RUSC1: variants seen among roughly 807,000 people sequenced by gnomAD.
RUSC1 encodes RUN and SH3 domain containing 1.
A neutral mutation model predicts 72.1 loss-of-function variants in RUSC1; 40 were observed. That is an observed-to-expected ratio of 0.55 (90% CI 0.43 to 0.72). RUSC1 has a LOEUF of 0.72. RUSC1 is among the 30% of genes least tolerant of loss of function. The probability of loss-of-function intolerance (pLI) is 0.00; values close to 1 mark genes in which losing one functional copy is unlikely to be tolerated. For synonymous variants in RUSC1, 512 were observed against 494.2 expected, an observed-to-expected ratio of 1.04 and a Z score of -0.48; for missense variants, 1,092 against 1,172.3, an observed-to-expected ratio of 0.93 and a Z score of 1.00.
intron 9 of RUSC1, among the ~76,000 whole-genome samples, chr1:155,329,721 G>A (rs1402254527): frequency 2.6e-5 from 4 of 151,778 alleles, no homozygotes; most frequent in Non-Finnish European, 4.4e-5. Context: ...TTTGGCGGCC[G>A]GGCGTGGTGG....
At position 155,325,134 on chromosome 1, in the gene RUSC1, A is replaced by G; in HGVS notation, c.1489A>G (p.Lys497Glu). ...LLIAVSVSVD[K>E]IISHFGAARN... Reference sequence around the variant, plus strand: ...GATAGCCGTCAGCGTCTCCGTTGATAAAATCATCTCGCATTTCGGGGCCGC... The same window carrying G: ...GATAGCCGTCAGCGTCTCCGTTGATGAAATCATCTCGCATTTCGGGGCCGC... Residue 497 changes from lysine (K) to glutamate (E), a missense_variant, in exon 4 of 10, where the codon AAA (lysine) becomes GAA (glutamate). Physicochemically the swap from Lys to Glu is moderately conservative, Grantham distance 56. Coordinates refer to ENST00000368352, the MANE Select transcript of RUSC1 (RefSeq NM_001105203.2). This position sits in a 1 kb window ranked among gnomAD's most constrained non-coding sequence, Gnocchi z 6.5. 1 of 1,614,222 alleles carries G rather than the reference A, an allele frequency of 6.2e-7. No homozygotes were observed. The highest frequency in any genetic ancestry group is 8.5e-7 in the Non-Finnish European group (1 of 1,180,030).
Position 155,325,857 on chromosome 1 carries a change from C to T in RUSC1, c.1815-7C>T, listed in dbSNP as rs373723195. 27 of 1,613,978 alleles carry T rather than the reference C, an allele frequency of 1.7e-5. No homozygotes were observed. Among genetic ancestry groups the T allele is most frequent in the Non-Finnish European group, 2.0e-5 (24 of 1,180,004 alleles). On this transcript the variant is annotated splice_polypyrimidine_tract_variant and splice_region_variant and intron_variant, in intron 6 of 9. Coordinates refer to ENST00000368352, the MANE Select transcript of RUSC1 (RefSeq NM_001105203.2). The surrounding 1 kb of genome is among the most constrained non-coding windows in gnomAD (Gnocchi z 6.5). ...CCTGAACTTCCATTCCCTCTTTTCTCCCCTAGCACCAAGCAGTTGGAGCTG... is the reference window on the plus strand; with the variant it reads ...CCTGAACTTCCATTCCCTCTTTTCTTCCCTAGCACCAAGCAGTTGGAGCTG...
chr1:155,330,552 A>G lies in RUSC1; in HGVS notation c.2690A>G (p.Tyr897Cys), dbSNP rs138641154. ...DGMEGLVPVG[Y>C]TSLVL ...ATGGAGGGTCTGGTGCCTGTGGGGT[A>G]TACCTCCCTTGTTCTGTAGCCCTGG... The change falls in exon 10 of 10, where the codon TAT (tyrosine) becomes TGT (cysteine). Residue 897 changes from tyrosine (Y) to cysteine (C), a missense_variant. Transcript: ENST00000368352. The G allele has an allele frequency of 2.7e-5, 43 of 1,607,208 alleles. No homozygotes were observed. The highest frequency in any genetic ancestry group is 3.5e-5 in the Non-Finnish European group (41 of 1,176,486).
chr1:155,321,009 C>A lies in RUSC1; in HGVS notation c.-87+18C>A. 6.6e-7 allele frequency: 1 copy of A among 1,505,814 alleles called. No homozygotes were observed. 93.3% of individuals were successfully genotyped at this position (1,505,814 alleles called of 1,614,324 possible). ...GGACCCTGGTGAGGAGGGCTCGGCC[C>A]ATGGGTGTAGACCGATGGACCTGGG... is the stretch of plus-strand genomic sequence containing the variant. On this transcript the variant is annotated intron_variant, in intron 1 of 9. Coordinates refer to ENST00000368352, the MANE Select transcript of RUSC1 (RefSeq NM_001105203.2).
rs1391665622 is a variant in RUSC1, at chr1:155,325,826, C to T, written c.1815-38C>T. 6.2e-7 allele frequency: 1 copy of T among 1,611,804 alleles called. No homozygotes were observed. The highest frequency in any genetic ancestry group is 8.5e-7 in the Non-Finnish European group (1 of 1,178,032). On this transcript the variant is annotated intron_variant, in intron 6 of 9. Coordinates refer to ENST00000368352, the MANE Select transcript of RUSC1 (RefSeq NM_001105203.2). The surrounding 1 kb of genome is among the most constrained non-coding windows in gnomAD (Gnocchi z 6.5). ...CCACCCAGAGAGGACTGGAGTCCTCCACCTCCCTGAACTTCCATTCCCTCT... is the reference window on the plus strand; with the variant it reads ...CCACCCAGAGAGGACTGGAGTCCTCTACCTCCCTGAACTTCCATTCCCTCT...
chr1:155,325,698 T>G lies in RUSC1; in HGVS notation c.1814+26T>G. The G allele has an allele frequency of 6.2e-7, 1 of 1,610,928 alleles. No individual in the cohort carries two copies. Among genetic ancestry groups the G allele is most frequent in the East Asian group, 2.2e-5 (1 of 44,840 alleles). ...GTGAGTTGCCTTCTTTCCAGTGCCC[T>G]TCCCACGACCTGGGACTGCAGGAGC... On this transcript the variant is annotated intron_variant, in intron 6 of 9. Coordinates refer to ENST00000368352, the MANE Select transcript of RUSC1 (RefSeq NM_001105203.2). This position sits in a 1 kb window ranked among gnomAD's most constrained non-coding sequence, Gnocchi z 6.5.
rs745491475 is a variant in RUSC1, at chr1:155,322,619, A to AC, written c.846_847insC (p.Ile283HisfsTer3). The AC allele has an allele frequency of 6.2e-7, 1 of 1,614,280 alleles. No homozygotes were observed. The highest frequency in any genetic ancestry group is 8.5e-7 in the Non-Finnish European group (1 of 1,180,052). ...ACTCTGGTTGGAAAACCAACACAAG[A>AC]ATAACTGATTCTGGCTCGAAAACAG... On this transcript the variant is annotated frameshift_variant, in exon 2 of 10. Transcript: ENST00000368352. LOFTEE classifies it high-confidence loss of function.
Position 155,326,788 on chromosome 1 carries a change from G to C in RUSC1, c.2070G>C (p.Gln690His). The change falls in exon 8 of 10, where the codon CAG (glutamine) becomes CAC (histidine). Residue 690 changes from glutamine (Q) to histidine (H), a missense_variant. Coordinates refer to ENST00000368352, the MANE Select transcript of RUSC1 (RefSeq NM_001105203.2). The surrounding 1 kb of genome is among the most constrained non-coding windows in gnomAD (Gnocchi z 4.7). ...CAGGCCCACCTCCAGCTCTGCAGCAGACTATGCAAGCCATGCTGCACTTTG... is the reference window on the plus strand; with the variant it reads ...CAGGCCCACCTCCAGCTCTGCAGCACACTATGCAAGCCATGCTGCACTTTG... ...APPGPPPALQ[Q>H]TMQAMLHFGG... The C allele has an allele frequency of 6.2e-7, 1 of 1,613,070 alleles. No individual in the cohort carries two copies. The highest frequency in any genetic ancestry group is 8.5e-7 in the Non-Finnish European group (1 of 1,180,036).
rs1304706434 is a variant in RUSC1, at chr1:155,326,869, C to G, written c.2151C>G (p.Pro717=). 1 of 1,613,760 alleles carries G rather than the reference C, an allele frequency of 6.2e-7. No individual in the cohort carries two copies. The highest frequency in any genetic ancestry group is 8.5e-7 in the Non-Finnish European group (1 of 1,180,050). Reference sequence around the variant, plus strand: ...CTTCCAAGGAAGCTGCTTCAGACCCCTCTGACTCTCCAAACCTTCCCACAC... The same window carrying G: ...CTTCCAAGGAAGCTGCTTCAGACCCGTCTGACTCTCCAAACCTTCCCACAC... The part of the protein sequence containing the change: ...RGTSKEAASD[P]SDSPNLPTPG... Residue 717 remains proline, a synonymous_variant, in exon 8 of 10, where the codon CCC becomes CCG. Coordinates refer to ENST00000368352, the MANE Select transcript of RUSC1 (RefSeq NM_001105203.2). The surrounding 1 kb of genome is among the most constrained non-coding windows in gnomAD (Gnocchi z 4.7).
intron 1 of RUSC1, 195 bp from the exon 2 acceptor site, chr1:155,321,492 CG>C (rs761630305): frequency 1.9e-4 from 275 of 1,481,296 alleles, no homozygotes; most frequent in Non-Finnish European, 2.4e-4. Context: ...GCTCCATTCC[CG>C]GGGGGTTACA....
At chr1:155,328,602 G>A (rs1032716040) in intron 9 of RUSC1, among the ~76,000 whole-genome samples, 1 of 150,716 alleles carries the variant, frequency 6.6e-6, no homozygotes, top group African/African-American at 2.4e-5. Context: ...TTTAAGTTTT[G>A]GAATTTTTTT....
rs1162099423 is a variant in RUSC1 at position 155,324,739 on chromosome 1, C to T, written c.1358-106C>T. On this transcript the variant is annotated intron_variant, in intron 2 of 9. Transcript: ENST00000368352. Reference sequence around the variant, plus strand: ...TGCGCCTCCTCTCCCCAAGACCCTTCGGGGACACAGCACTGCAGACCCGCC... The same window carrying T: ...TGCGCCTCCTCTCCCCAAGACCCTTTGGGGACACAGCACTGCAGACCCGCC... 9.4e-6 allele frequency: 15 copies of T among 1,591,540 alleles called. No individual in the cohort carries two copies. In the South Asian group the frequency reaches 1.7e-4, roughly 18 times the overall value.
intron 3 of RUSC1, 36 bp downstream of exon 3, chr1:155,324,979 AT>A: frequency 6.2e-7 from 1 of 1,614,038 alleles, no homozygotes; most frequent in African/African-American, 1.3e-5. Flanking sequence ...GCGCTTCCGA[AT>A]AAACTGCCCT....
Position 155,324,960 on chromosome 1 carries a change from C to A in RUSC1, c.1456+17C>A. ...AGAAGAAAGGTAGGGCACCCTGACT[C>A]CCGACCCCGCGCTTCCGAATAAACT... On this transcript the variant is annotated intron_variant, in intron 3 of 9. Coordinates refer to ENST00000368352, the MANE Select transcript of RUSC1 (RefSeq NM_001105203.2). 6.2e-7 allele frequency: 1 copy of A among 1,614,092 alleles called. No homozygotes were observed. The highest frequency in any genetic ancestry group is 8.5e-7 in the Non-Finnish European group (1 of 1,179,980).
intron 2 of RUSC1, chr1:155,324,114 T>G: frequency 1.7e-6 from 2 of 1,201,560 alleles, no homozygotes. Flanking sequence ...TCCCAGCGAG[T>G]CTGTTGTTAG....
intron 1 of RUSC1, chr1:155,321,278 T>C: frequency 1.5e-6 from 2 of 1,368,702 alleles, no homozygotes; most frequent in Non-Finnish European, 2.0e-6. Context: ...CTCTGCGTAT[T>C]GCCCCACCCC....
chr1:155,326,683 G>C lies in RUSC1; in HGVS notation c.1965G>C (p.Ser655=). 2 of 1,613,686 alleles carry C rather than the reference G, an allele frequency of 1.2e-6. No homozygotes were observed. Among genetic ancestry groups the C allele is most frequent in the East Asian group, 4.5e-5 (2 of 44,888 alleles). Residue 655 remains serine, a synonymous_variant, in exon 8 of 10, where the codon TCG becomes TCC. Coordinates refer to ENST00000368352, the MANE Select transcript of RUSC1 (RefSeq NM_001105203.2). The surrounding 1 kb of genome is among the most constrained non-coding windows in gnomAD (Gnocchi z 4.7). Reference sequence around the variant, plus strand: ...TGCTGCTCCTGCTGCAGCCATTGTCGGTGCTCACTTTCCACCTGGACCTGC... The same window carrying C: ...TGCTGCTCCTGCTGCAGCCATTGTCCGTGCTCACTTTCCACCTGGACCTGC... ...TELLLLLQPL[S]VLTFHLDLLF...
chr1:155,331,016 G>T lies in RUSC1; in HGVS notation c.*445G>T. ...CTGTATTGATAATGTACTCACTCAT[G>T]CTGTACTAGGTGCTGAAGCCTGGAC... On this transcript the variant is annotated 3_prime_UTR_variant, in exon 10 of 10. Coordinates refer to ENST00000368352, the MANE Select transcript of RUSC1 (RefSeq NM_001105203.2). 6.2e-6 allele frequency: 1 copy of T among 161,886 alleles called. No individual in the cohort carries two copies. Among genetic ancestry groups the T allele is most frequent in the Non-Finnish European group, 1.4e-5 (1 of 72,742 alleles). 10.0% of individuals were successfully genotyped at this position (161,886 alleles called of 1,614,324 possible). A position where few individuals can be genotyped will look rare whatever the true frequency, so the allele number is the denominator to read the frequency against.
At chr1:155,328,922 G>A (rs1054390449) in intron 9 of RUSC1, among the ~76,000 whole-genome samples, 1 of 151,972 alleles carries the variant, frequency 6.6e-6, no homozygotes, top group Non-Finnish European at 1.5e-5. Context: ...TAGTAGAAAC[G>A]GGGTTTCACC....
Sources: gnomAD v4.1 joint callset for allele counts (sites outside exome capture counted in the v4.1 genomes callset) on GRCh38, gnomAD v4.1.1 for gene constraint, Gnocchi (gnomAD v3.1) non-coding constraint, MANE v1.5 for transcripts, NCBI Gene and HGNC (gene_info 2026-07-23, HGNC 2026-07-21) for gene names.